TAFA2: variants seen among roughly 807,000 people sequenced by gnomAD.
The protein encoded by TAFA2 is chemokine-like protein TAFA-2.
Under a neutral mutation model 18.8 loss-of-function variants are expected in TAFA2, and 7 were observed. The ratio of observed to expected loss-of-function variants is 0.37; its 90% confidence interval spans 0.21 to 0.70. The LOEUF is 0.70. Among genes scored for constraint, TAFA2 ranks in the 30% least tolerant of loss-of-function variants. The pLI is 0.53. For synonymous variants in TAFA2, 60 were observed against 54.2 expected, an observed-to-expected ratio of 1.11 and a Z score of -0.47; for missense variants, 122 against 158.1, an observed-to-expected ratio of 0.77 and a Z score of 1.23.
At chr12:62,026,992 C>A (rs1881327910) in intron 1 of TAFA2, among the ~76,000 whole-genome samples, 2 of 151,958 alleles carry the variant, frequency 1.3e-5, no homozygotes, top group South Asian at 2.1e-4. Context: ...CCAGCGAATT[C>A]TCTTCTCTTT....
chr12:61,803,037 C>A (rs1871462360), intron 2 of TAFA2, among the ~76,000 whole-genome samples: 1 of 151,698 alleles, frequency 6.6e-6, no homozygotes, highest in African/African-American at 2.4e-5. Context: ...AGTTTCTAGA[C>A]AATGGGAAAA....
chr12:62,048,807 T>C (rs1402687643), intron 1 of TAFA2, among the ~76,000 whole-genome samples: 1 of 152,178 alleles, frequency 6.6e-6, no homozygotes, highest in Non-Finnish European at 1.5e-5. Flanking sequence ...CACAATTTAG[T>C]TACTGCATAG....
chr12:61,818,659 T>C (rs549276994), intron 2 of TAFA2, among the ~76,000 whole-genome samples: 3 of 152,030 alleles, frequency 2.0e-5, no homozygotes, highest in Non-Finnish European at 4.4e-5. Context: ...CTTACTGGGG[T>C]CCCTGAGATA....
chr12:61,846,991 A>G (rs1316939420), intron 2 of TAFA2, among the ~76,000 whole-genome samples: 1 of 152,024 alleles, frequency 6.6e-6, no homozygotes, highest in East Asian at 1.9e-4. Context: ...CAGGTTCCTC[A>G]TTCTTCTCTT....
chr12:62,153,391 G>A (rs1246936340), intron 1 of TAFA2, among the ~76,000 whole-genome samples: 4 of 152,132 alleles, frequency 2.6e-5, no homozygotes, highest in Non-Finnish European at 5.9e-5. Flanking sequence ...GGTCAGCTGT[G>A]GTGGCTCACA....
intron 1 of TAFA2, among the ~76,000 whole-genome samples, chr12:62,016,452 C>A (rs529574976): frequency 6.6e-6 from 1 of 152,138 alleles, no homozygotes; most frequent in Non-Finnish European, 1.5e-5. Context: ...CCTAAGGACA[C>A]AACTGCCAGA....
chr12:61,948,204 A>C (rs1404205489), intron 1 of TAFA2, among the ~76,000 whole-genome samples: 1 of 152,164 alleles, frequency 6.6e-6, no homozygotes. Flanking sequence ...TTCTTTCATC[A>C]TCACAAACTC....
intron 4 of TAFA2, among the ~76,000 whole-genome samples, chr12:61,718,491 T>TCA (rs1477993065): frequency 6.6e-6 from 1 of 152,160 alleles, no homozygotes; most frequent in African/African-American, 2.4e-5. Flanking sequence ...AGGTGCAGAA[T>TCA]CACACACACA....
intron 2 of TAFA2, among the ~76,000 whole-genome samples, chr12:61,825,663 G>A (rs1389793258): frequency 6.6e-6 from 1 of 152,034 alleles, no homozygotes; most frequent in Admixed American, 6.6e-5. Context: ...AAGGGAGATG[G>A]GTGTTTCTAA....
At chr12:61,718,940 A>G (rs963569438) in intron 4 of TAFA2, among the ~76,000 whole-genome samples, 1 of 152,214 alleles carries the variant, frequency 6.6e-6, no homozygotes, top group African/African-American at 2.4e-5. Flanking sequence ...ACTTGGAAGA[A>G]ATTCCTTTTC....
Position 62,116,200 on chromosome 12 carries a change from C to A in TAFA2, c.-2+75059G>T, listed in dbSNP as rs138127163. ...GACCTGAGAAGTACCTCAAACAAGA[C>A]AGATAGCTATCTTTCACAGCAGCAT... On this transcript the variant is annotated intron_variant, in intron 1 of 4. Transcript: ENST00000416284. Among the ~76,000 whole-genome samples, 315 of 152,250 alleles carry A rather than the reference C, an allele frequency of 2.1e-3. 1 individual carries two copies. The highest frequency in any genetic ancestry group is 7.3e-3 in the African/African-American group (304 of 41,558).
At chr12:62,259,633 C>T (rs917096604), upstream of TAFA2, 1 of 152,248 alleles carries the variant, frequency 6.6e-6, no homozygotes, top group African/African-American at 2.4e-5. Context: ...TGTTACTATC[C>T]TGTATAAACA....
At chr12:61,746,419 C>G (rs1386565093) in intron 4 of TAFA2, among the ~76,000 whole-genome samples, 1 of 152,032 alleles carries the variant, frequency 6.6e-6, no homozygotes, top group East Asian at 1.9e-4. Flanking sequence ...AACTAATACA[C>G]AAAGAAACAG....
intron 1 of TAFA2, among the ~76,000 whole-genome samples, chr12:61,901,493 AC>A (rs1437620151): frequency 6.6e-6 from 1 of 151,760 alleles, no homozygotes; most frequent in Non-Finnish European, 1.5e-5. Context: ...TAGTTGAAAA[AC>A]ATTCTATAAA....
Position 61,883,135 on chromosome 12 carries a change from T to C in TAFA2, c.-1-15709A>G, listed in dbSNP as rs141366298. Reference sequence around the variant, plus strand: ...GGAGCCCATAATCTGATTACAGTTGTAAATTTTTAATTTGGGGTTTGATGA... The same window carrying C: ...GGAGCCCATAATCTGATTACAGTTGCAAATTTTTAATTTGGGGTTTGATGA... On this transcript the variant is annotated intron_variant, in intron 1 of 4. Transcript: ENST00000416284. Among the ~76,000 whole-genome samples, 3 of 152,324 alleles carry C rather than the reference T, an allele frequency of 2.0e-5. No homozygotes were observed. In the East Asian group the frequency reaches 5.8e-4, roughly 29 times the overall value.
chr12:61,773,437 T>C (rs1195392461), intron 2 of TAFA2, among the ~76,000 whole-genome samples: 2 of 151,796 alleles, frequency 1.3e-5, no homozygotes, highest in African/African-American at 2.4e-5. Flanking sequence ...GGAGCCATCA[T>C]ATTATCCAAC....
chr12:61,938,094 A>T (rs1433747272), intron 1 of TAFA2, among the ~76,000 whole-genome samples: 1 of 152,192 alleles, frequency 6.6e-6, no homozygotes, highest in African/African-American at 2.4e-5. Flanking sequence ...AATTAAAACC[A>T]CAGTGAGATA....
intron 4 of TAFA2, among the ~76,000 whole-genome samples, chr12:61,750,544 G>C (rs7487386): frequency 0.87 from 132,591 of 152,126 alleles, 57,878 homozygotes; most frequent in African/African-American, 0.93. Flanking sequence ...CAGAAGAAGA[G>C]TATAATTCAC....
chr12:61,806,202 C>T (rs748676689), intron 2 of TAFA2, among the ~76,000 whole-genome samples: 44 of 152,154 alleles, frequency 2.9e-4, no homozygotes, highest in Admixed American at 1.3e-4. Flanking sequence ...GAAATCTCAT[C>T]TTGAATTCCC....
Sources: allele counts gnomAD v4.1 joint callset (sites outside exome capture counted in the v4.1 genomes callset), GRCh38; gene constraint gnomAD v4.1.1; transcripts MANE v1.5; gene names NCBI Gene and HGNC (gene_info 2026-07-23, HGNC 2026-07-21).